The following AKAP7 variants were observed in gnomAD, a reference collection of about 807,000 sequenced individuals.
AKAP7 encodes the protein A-kinase anchoring protein 7, also known as A kinase (PRKA) anchor protein 7.
AKAP7 carries 39 observed loss-of-function variants against 39.5 expected under a neutral mutation model. The ratio of observed to expected loss-of-function variants is 0.99; its 90% CI spans 0.76 to 1.29. AKAP7 has a LOEUF of 1.29. Ranked by LOEUF, AKAP7 falls within the 50% of genes most tolerant of loss-of-function variation. The pLI is 0.00. For synonymous variants in AKAP7, 140 were observed against 139.1 expected (o/e 1.01, Z -0.05); for missense variants, 414 against 407.7 (o/e 1.02, Z -0.13).
chr6:131,135,453 C>T (rs1800442337), upstream of AKAP7, among the ~76,000 whole-genome samples: 1 of 150,726 alleles, frequency 6.6e-6, no homozygotes, highest in African/African-American at 2.4e-5. Context: ...ACCGGCGACT[C>T]GGGTCGGCCC....
intron 7 of AKAP7, chr6:131,250,554 AC>A: frequency 6.2e-7 from 1 of 1,614,012 alleles, no homozygotes; most frequent in Non-Finnish European, 8.5e-7. Context: ...GGAAAGACAG[AC>A]AGGACCAGTG....
intron 5 of AKAP7, among the ~76,000 whole-genome samples, chr6:131,170,766 A>G (rs1803971238): frequency 6.6e-6 from 1 of 152,178 alleles, no homozygotes; most frequent in African/African-American, 2.4e-5. Flanking sequence ...GTGTTTATAT[A>G]GGGCTGGATT....
At chr6:131,156,882 C>T (rs1802465391) in intron 2 of AKAP7, among the ~76,000 whole-genome samples, 1 of 151,880 alleles carries the variant, frequency 6.6e-6, no homozygotes. Context: ...TCACGCCATT[C>T]TCCTGCCTCA....
upstream of AKAP7, among the ~76,000 whole-genome samples, chr6:131,133,174 T>C (rs1800365883): frequency 6.6e-6 from 1 of 152,208 alleles, no homozygotes. Flanking sequence ...CCCTTTAATT[T>C]TTAGAGTAAG....
At chr6:131,158,780 T>A (rs1802652731) in intron 2 of AKAP7, among the ~76,000 whole-genome samples, 1 of 152,142 alleles carries the variant, frequency 6.6e-6, no homozygotes, top group South Asian at 2.1e-4. Context: ...GTGCTGGGAT[T>A]ACAGGTGTGA....
At chr6:131,174,760 A>C (rs1804413826) in intron 5 of AKAP7, among the ~76,000 whole-genome samples, 1 of 152,236 alleles carries the variant, frequency 6.6e-6, no homozygotes, top group African/African-American at 2.4e-5. Flanking sequence ...CTTTGTAATA[A>C]ATTGTATGTA....
chr6:131,236,044 C>A (rs1811026735), intron 7 of AKAP7, among the ~76,000 whole-genome samples: 1 of 152,160 alleles, frequency 6.6e-6, no homozygotes, highest in Non-Finnish European at 1.5e-5. Context: ...TTAGGTCTAA[C>A]ATTTAAGTCT....
chr6:131,282,741 T>C lies in AKAP7; in HGVS notation c.*1015T>C, dbSNP rs1815303187. 3 of 633,244 alleles carry C rather than the reference T, an allele frequency of 4.7e-6. No homozygotes were observed. Among genetic ancestry groups the C allele is most frequent in the East Asian group, 3.0e-5 (1 of 33,312 alleles). 39.2% of individuals were successfully genotyped at this position (633,244 alleles called of 1,614,324 possible). Reference sequence around the variant, plus strand: ...AACATTTGGTGAGGAATTAGCAATTTCTTGCCAAAGAAAATTGATTCTGCC... The same window carrying C: ...AACATTTGGTGAGGAATTAGCAATTCCTTGCCAAAGAAAATTGATTCTGCC... On this transcript the variant is annotated 3_prime_UTR_variant, in exon 8 of 8. Transcript: ENST00000431975.
At chr6:131,156,036 G>C (rs950827553) in intron 2 of AKAP7, among the ~76,000 whole-genome samples, 1 of 152,174 alleles carries the variant, frequency 6.6e-6, no homozygotes, top group Non-Finnish European at 1.5e-5. Context: ...CTAGTCTTCA[G>C]GTCATTGGCC....
At chr6:131,253,022 A>G (rs1232513549) in intron 7 of AKAP7, 2 of 1,612,802 alleles carry the variant, frequency 1.2e-6, no homozygotes, top group South Asian at 2.2e-5. Context: ...TGTGGGTGTT[A>G]TTCTCAAAAC....
chr6:131,278,725 A>T (rs1814954889), intron 7 of AKAP7, among the ~76,000 whole-genome samples: 1 of 152,198 alleles, frequency 6.6e-6, no homozygotes, highest in South Asian at 2.1e-4. Flanking sequence ...ACTCACTATC[A>T]TGAGAACAGC....
rs3777499 is a variant in AKAP7 at position 131,282,303 on chromosome 6, A to G, written c.*577A>G. ...GGTGAAATGCAACCTTTTCTATAAA[A>G]TGTGGGCAACATTTTAAAGTTTTTT... On this transcript the variant is annotated 3_prime_UTR_variant, in exon 8 of 8. Transcript: ENST00000431975. 8.8e-3 allele frequency: 11,979 copies of G among 1,360,328 alleles called. 1,052 individuals are homozygous for G. In the East Asian group the frequency reaches 0.21, roughly 24 times the overall value. 84.3% of individuals were successfully genotyped at this position (1,360,328 alleles called of 1,614,324 possible). A position where few individuals can be genotyped will look rare whatever the true frequency, so the allele number is the denominator to read the frequency against.
chr6:131,160,234 T>C (rs781523789), intron 3 of AKAP7, 36 bp downstream of exon 3: 51 of 1,534,870 alleles, frequency 3.3e-5, no homozygotes, highest in Non-Finnish European at 4.2e-5. Context: ...ACTGTGAAAT[T>C]TTATTCTAAA....
intron 1 of AKAP7, among the ~76,000 whole-genome samples, chr6:131,140,634 A>G (rs1800956759): frequency 6.6e-6 from 1 of 152,184 alleles, no homozygotes; most frequent in African/African-American, 2.4e-5. Context: ...TTATCACTAA[A>G]TTCTTAGATT....
intron 4 of AKAP7, among the ~76,000 whole-genome samples, chr6:131,166,791 A>G (rs1226701250): frequency 6.6e-6 from 1 of 152,152 alleles, no homozygotes; most frequent in Non-Finnish European, 1.5e-5. Flanking sequence ...CAATTTATTA[A>G]AAGTCTCTGA....
chr6:131,211,069 G>A (rs1808600233), intron 6 of AKAP7, among the ~76,000 whole-genome samples: 1 of 152,150 alleles, frequency 6.6e-6, no homozygotes, highest in South Asian at 2.1e-4. Flanking sequence ...ATCCTTATTG[G>A]CAGGTACCTA....
chr6:131,234,082 A>G (rs1810839058), intron 7 of AKAP7, among the ~76,000 whole-genome samples: 1 of 152,188 alleles, frequency 6.6e-6, no homozygotes, highest in Non-Finnish European at 1.5e-5. Context: ...TGCCTGAGTT[A>G]CCAATTCATT....
chr6:131,282,605 G>T lies in AKAP7; in HGVS notation c.*879G>T. The T allele has an allele frequency of 6.5e-7, 1 of 1,530,322 alleles. No homozygotes were observed. The highest frequency in any genetic ancestry group is 8.8e-7 in the Non-Finnish European group (1 of 1,142,440). 94.8% of individuals were successfully genotyped at this position (1,530,322 alleles called of 1,614,324 possible). The stretch of plus-strand genomic sequence containing the variant: ...TGATTTCAGCACAACTTTGACATAA[G>T]CTCTACATTGCGATTGTGACAACAT... On this transcript the variant is annotated 3_prime_UTR_variant, in exon 8 of 8. Transcript: ENST00000431975.
chr6:131,236,503 C>T (rs1811073137), intron 7 of AKAP7, among the ~76,000 whole-genome samples: 1 of 152,158 alleles, frequency 6.6e-6, no homozygotes, highest in Non-Finnish European at 1.5e-5. Flanking sequence ...GGCAGTATGG[C>T]CATTTTCACA....
Sources: allele counts gnomAD v4.1 joint callset (sites outside exome capture counted in the v4.1 genomes callset), GRCh38; gene constraint gnomAD v4.1.1; transcripts MANE v1.5; gene names NCBI Gene and HGNC (gene_info 2026-07-23, HGNC 2026-07-21).